Variants in LOC400499 observed in about 807,000 individuals in gnomAD.
chr16:11,523,891 T>C, the LOC400499 span, among the ~76,000 whole-genome samples: 42 of 144,704 alleles, frequency 2.9e-4, no homozygotes, highest in African/African-American at 1.0e-3. Context: ...TATCCATCCA[T>C]TCATCCATCC....
chr16:11,505,312 T>G, the LOC400499 span, among the ~76,000 whole-genome samples: 1 of 152,062 alleles, frequency 6.6e-6, no homozygotes, highest in Non-Finnish European at 1.5e-5. Context: ...ACAGTTACAA[T>G]AAACATGACT....
At chr16:11,432,781 G>A in the LOC400499 span, among the ~76,000 whole-genome samples, 1 of 152,186 alleles carries the variant, frequency 6.6e-6, no homozygotes, top group African/African-American at 2.4e-5. Context: ...GACTGTGTGT[G>A]TGCACTTCCT....
the LOC400499 span, chr16:11,439,587 G>T: frequency 2.5e-6 from 1 of 399,178 alleles, no homozygotes. Flanking sequence ...GAGGCCTGTT[G>T]CAGGGAGAGT....
the LOC400499 span, among the ~76,000 whole-genome samples, chr16:11,415,290 C>T: frequency 6.6e-6 from 1 of 152,212 alleles, no homozygotes; most frequent in Non-Finnish European, 1.5e-5. Flanking sequence ...CCAGAGCAAA[C>T]AGATGGCGCC....
the LOC400499 span, chr16:11,460,400 G>A: frequency 2.1e-6 from 3 of 1,399,174 alleles, no homozygotes; most frequent in African/African-American, 4.3e-5. Flanking sequence ...CTTTGGGGAT[G>A]AGTTCAGGGT....
the LOC400499 span, among the ~76,000 whole-genome samples, chr16:11,387,667 G>A: frequency 3.3e-5 from 5 of 151,820 alleles, no homozygotes; most frequent in African/African-American, 7.3e-5. Flanking sequence ...TCATTCTGTC[G>A]CCCAGGCTGG....
At chr16:11,444,545 T>G in the LOC400499 span, among the ~76,000 whole-genome samples, 5 of 152,200 alleles carry the variant, frequency 3.3e-5, no homozygotes, top group Non-Finnish European at 5.9e-5. Flanking sequence ...TAACGGTAGT[T>G]ATGAGTGAAC....
the LOC400499 span, chr16:11,431,117 GC>G: frequency 1.5e-5 from 6 of 399,148 alleles, no homozygotes; most frequent in East Asian, 7.1e-5. Context: ...GCCACCGTGT[GC>G]CGGGTTTGGC....
chr16:11,521,082 T>A, the LOC400499 span, among the ~76,000 whole-genome samples: 1 of 152,178 alleles, frequency 6.6e-6, no homozygotes, highest in African/African-American at 2.4e-5. Flanking sequence ...TAAAGATTAA[T>A]AAAGCAGCAT....
the LOC400499 span, among the ~76,000 whole-genome samples, chr16:11,443,638 T>C: frequency 6.6e-6 from 1 of 152,092 alleles, no homozygotes; most frequent in South Asian, 2.1e-4. Context: ...TAGTAGGCAT[T>C]TTACAACGCT....
the LOC400499 span, among the ~76,000 whole-genome samples, chr16:11,439,145 G>A: frequency 5.8e-4 from 88 of 152,208 alleles, no homozygotes; most frequent in African/African-American, 2.0e-3. Flanking sequence ...AAAATGCCCC[G>A]GGTCAACAAA....
the LOC400499 span, among the ~76,000 whole-genome samples, chr16:11,487,649 G>A: frequency 0.31 from 47,211 of 152,072 alleles, 8,097 homozygotes; most frequent in African/African-American, 0.42. Context: ...TCCCAGAATG[G>A]CTGAGGTAGT....
chr16:11,520,163 G>A, the LOC400499 span, among the ~76,000 whole-genome samples: 1 of 152,132 alleles, frequency 6.6e-6, no homozygotes, highest in East Asian at 1.9e-4. Flanking sequence ...AGAGATGGAG[G>A]GTGGTGATGG....
chr16:11,482,645 C>T, the LOC400499 span, among the ~76,000 whole-genome samples: 8 of 152,086 alleles, frequency 5.3e-5, no homozygotes, highest in Non-Finnish European at 1.0e-4. Context: ...AATCCCAGCA[C>T]TTTGGGAGGC....
the LOC400499 span, chr16:11,390,603 C>G: frequency 1.6e-6 from 1 of 631,178 alleles, no homozygotes; most frequent in Non-Finnish European, 2.3e-6. Context: ...TGGAACAGAG[C>G]AGTGGCACTG....
At chr16:11,449,018 G>T in the LOC400499 span, 1 of 1,523,368 alleles carries the variant, frequency 6.6e-7, no homozygotes, top group Non-Finnish European at 8.8e-7. Context: ...TCTCAGCATG[G>T]ATCTCGCCCT....
At chr16:11,396,433 G>T in the LOC400499 span, 3 of 1,207,442 alleles carry the variant, frequency 2.5e-6, no homozygotes, top group African/African-American at 4.7e-5. Flanking sequence ...GCAGTTGGGG[G>T]CCTGCTGGCC....
At chr16:11,492,021 G>A in the LOC400499 span, among the ~76,000 whole-genome samples, 1 of 152,106 alleles carries the variant, frequency 6.6e-6, no homozygotes, top group Non-Finnish European at 1.5e-5. Context: ...GGAGGTAGCA[G>A]GGGTTCACTG....
the LOC400499 span, among the ~76,000 whole-genome samples, chr16:11,417,259 TTCTGTCACCCAG>T: frequency 1.3e-5 from 2 of 152,166 alleles, no homozygotes; most frequent in African/African-American, 2.4e-5. Flanking sequence ...CAGGGTCTCA[TTCTGTCACCCAG>T]GCTGGAGGGC....
Sources: allele counts gnomAD v4.1 joint callset (sites outside exome capture counted in the v4.1 genomes callset), GRCh38; gene constraint gnomAD v4.1.1; transcripts MANE v1.5.